Variants in EYA1 observed in about 807,000 individuals in gnomAD.
The protein encoded by EYA1 is protein phosphatase EYA1.
Under a neutral mutation model 82.0 loss-of-function variants are expected in EYA1, and 16 were observed. The ratio of observed to expected loss-of-function variants is 0.20; its 90% CI spans 0.13 to 0.30. The LOEUF (loss-of-function observed/expected upper bound fraction) is 0.30, where lower values mean the gene tolerates loss of function less well. EYA1 is among the 10% of genes least tolerant of loss of function. The probability of loss-of-function intolerance (pLI) is 1.00; values close to 1 mark genes in which losing one functional copy is unlikely to be tolerated. For synonymous variants in EYA1, 261 were observed against 264.4 expected, an observed-to-expected ratio of 0.99 and a Z score of 0.12; for missense variants, 633 against 730.7, an observed-to-expected ratio of 0.87 and a Z score of 1.54.
Position 71,345,353 on chromosome 8 carries a change from C to T in EYA1, c.124+9429G>A, listed in dbSNP as rs577384056. ...TTACCAACTCATCTAACAGTTGTAG[C>T]AACACTACAGGCATGTAGTATTATC... is the stretch of plus-strand genomic sequence containing the variant. On this transcript the variant is annotated intron_variant, in intron 3 of 17. Transcript: ENST00000340726. 1.5e-3 allele frequency among the ~76,000 whole-genome samples: 233 copies of T among 152,278 alleles called. 1 individual carries two copies. The highest frequency in any genetic ancestry group is 5.2e-3 in the African/African-American group (217 of 41,544).
chr8:71,356,613 T>C (rs1460976676), intron 1 of EYA1, 102 bp from the exon 2 acceptor site: 3 of 1,424,424 alleles, frequency 2.1e-6, no homozygotes, highest in African/African-American at 1.5e-5. Context: ...TGCTCTCTTT[T>C]AACCAAAAGA....
At chr8:71,217,095 A>C in intron 12 of EYA1, 72 bp from the exon 13 acceptor site, 2 of 1,154,560 alleles carry the variant, frequency 1.7e-6, no homozygotes, top group Non-Finnish European at 2.6e-6. Flanking sequence ...TTTTGGAAAA[A>C]CCATACATAT....
chr8:71,455,955 G>A (rs1010303192), intron 2 of EYA1, among the ~76,000 whole-genome samples: 2 of 152,188 alleles, frequency 1.3e-5, no homozygotes, highest in African/African-American at 4.8e-5. Flanking sequence ...TAGGAAAAGA[G>A]GAAGTCAAAT....
intron 3 of EYA1, among the ~76,000 whole-genome samples, chr8:71,340,194 C>T (rs1824963762): frequency 6.6e-6 from 1 of 152,192 alleles, no homozygotes; most frequent in South Asian, 2.1e-4. Flanking sequence ...GAATTAAGTT[C>T]CCAATCTCTA....
Position 71,353,745 on chromosome 8 carries a change from CTTTG to C in EYA1, c.124+1033_124+1036del, listed in dbSNP as rs571947183. 4.6e-3 allele frequency among the ~76,000 whole-genome samples: 695 copies of C among 152,094 alleles called. 5 individuals are homozygous for C. The highest frequency in any genetic ancestry group is 0.015 in the African/African-American group (621 of 41,496). ...AACACAATAATTTTACAGCATTTAG[CTTTG>C]TTTATTTTTTTAAAAAATTGTGTAA... On this transcript the variant is annotated intron_variant, in intron 3 of 17. Transcript: ENST00000340726.
At chr8:71,521,135 A>G (rs1331471298) in intron 2 of EYA1, among the ~76,000 whole-genome samples, 1 of 152,176 alleles carries the variant, frequency 6.6e-6, no homozygotes, top group African/African-American at 2.4e-5. Context: ...TGAATCAAAG[A>G]GAATATACAC....
At chr8:71,313,240 T>C (rs907862030) in intron 7 of EYA1, among the ~76,000 whole-genome samples, 6 of 152,330 alleles carry the variant, frequency 3.9e-5, no homozygotes, top group South Asian at 4.1e-4. Context: ...CCTTTGTTGA[T>C]AGTAAGTTTC....
At chr8:71,352,035 G>A (rs1826356454) in intron 3 of EYA1, among the ~76,000 whole-genome samples, 1 of 152,160 alleles carries the variant, frequency 6.6e-6, no homozygotes, top group Admixed American at 6.5e-5. Context: ...CATGGCATAT[G>A]TAGCTGAAAA....
At chr8:71,424,968 T>C (rs866452532) in intron 2 of EYA1, among the ~76,000 whole-genome samples, 2 of 151,888 alleles carry the variant, frequency 1.3e-5, no homozygotes, top group Middle Eastern at 3.4e-3. Flanking sequence ...TCTAAGAAAA[T>C]GCACATTTTA....
intron 14 of EYA1, 114 bp downstream of exon 14, chr8:71,216,578 C>T: frequency 8.8e-7 from 1 of 1,137,188 alleles, no homozygotes; most frequent in Admixed American, 1.8e-5. Flanking sequence ...TGAGATGAAA[C>T]TGCCCAAATA....
chr8:71,423,433 G>A (rs948631528), intron 2 of EYA1, among the ~76,000 whole-genome samples: 3 of 152,024 alleles, frequency 2.0e-5, no homozygotes, highest in Non-Finnish European at 4.4e-5. Flanking sequence ...CGTTCTAATG[G>A]AGTATTATTT....
intron 9 of EYA1, among the ~76,000 whole-genome samples, chr8:71,286,382 A>G (rs1818360550): frequency 1.3e-5 from 2 of 152,222 alleles, no homozygotes; most frequent in Non-Finnish European, 2.9e-5. Flanking sequence ...GGAGTTCACT[A>G]CTGCAGAGTG....
chr8:71,369,037 A>AG (rs1181494128), intron 2 of EYA1, among the ~76,000 whole-genome samples: 1 of 77,146 alleles, frequency 1.3e-5, no homozygotes, highest in Non-Finnish European at 3.5e-5. Flanking sequence ...AAATACAAAA[A>AG]AAAAAAAAAA....
intron 2 of EYA1, among the ~76,000 whole-genome samples, chr8:71,475,023 T>C (rs183118829): frequency 1.3e-5 from 2 of 152,234 alleles, no homozygotes; most frequent in Non-Finnish European, 2.9e-5. Flanking sequence ...TCTCAGCTAC[T>C]TGGGAGGCTG....
chr8:71,417,149 G>T (rs1830897608), intron 2 of EYA1, among the ~76,000 whole-genome samples: 1 of 152,162 alleles, frequency 6.6e-6, no homozygotes, highest in South Asian at 2.1e-4. Context: ...TGGCTTCCTT[G>T]ATCCTCAGCT....
At chr8:71,316,114 T>A (rs1157790630) in intron 7 of EYA1, among the ~76,000 whole-genome samples, 1 of 152,134 alleles carries the variant, frequency 6.6e-6, no homozygotes, top group Admixed American at 6.5e-5. Flanking sequence ...TTTATGTTTT[T>A]TCTAAATGTG....
intron 2 of EYA1, among the ~76,000 whole-genome samples, chr8:71,481,536 G>A (rs891927920): frequency 8.5e-5 from 13 of 152,068 alleles, no homozygotes; most frequent in African/African-American, 2.9e-4. Context: ...CCTACTGCAC[G>A]CCGGGACTAT....
chr8:71,215,797 A>C, intron 14 of EYA1, 69 bp from the exon 15 acceptor site: 1 of 1,031,318 alleles, frequency 9.7e-7, no homozygotes, highest in Non-Finnish European at 1.5e-6. Flanking sequence ...GCAAGTAATT[A>C]ACATTTAAAA....
chr8:71,336,433 T>A (rs546589415), intron 3 of EYA1, among the ~76,000 whole-genome samples: 1 of 152,304 alleles, frequency 6.6e-6, no homozygotes, highest in South Asian at 2.1e-4. Flanking sequence ...TCAATCAAGG[T>A]TACTTCCAAG....
Sources: allele counts gnomAD v4.1 joint callset (sites outside exome capture counted in the v4.1 genomes callset), GRCh38; gene constraint gnomAD v4.1.1; transcripts MANE v1.5; gene names NCBI Gene and HGNC (gene_info 2026-07-23, HGNC 2026-07-21).